Variants in RBMS2 observed in about 807,000 individuals in gnomAD.
RBMS2 encodes RNA-binding motif, single-stranded-interacting protein 2.
RBMS2 carries 38 observed loss-of-function variants against 58.4 expected under a neutral mutation model. The observed-to-expected ratio is 0.65, with a 90% CI of 0.50 to 0.85. The LOEUF is 0.85. Among genes scored for constraint, RBMS2 ranks in the 40% least tolerant of loss-of-function variants. RBMS2 has a pLI of 0.00. For missense variants in RBMS2, 367 were observed against 503.7 expected (o/e 0.73, Z 2.60); for synonymous variants, 151 against 180.7 (o/e 0.84, Z 1.32).
In RBMS2 at chr12:56,592,367, C is replaced by T. The variant is rs758862446; in HGVS notation, c.*3234C>T. 6.6e-6 allele frequency: 1 copy of T among 152,156 alleles called. No individual in the cohort carries two copies. The highest frequency in any genetic ancestry group is 1.5e-5 in the Non-Finnish European group (1 of 68,034). 9.4% of individuals were successfully genotyped at this position (152,156 alleles called of 1,614,324 possible). A position where few individuals can be genotyped will look rare whatever the true frequency, so the allele number is the denominator to read the frequency against. ...TAATCCTTTATAGGCTCTGAGCCTG[C>T]CTAGCCATCTCCTATCGGTGTTATT... On this transcript the variant is annotated 3_prime_UTR_variant, in exon 14 of 14. Coordinates refer to ENST00000262031, the MANE Select transcript of RBMS2 (RefSeq NM_002898.4).
intron 9 of RBMS2, among the ~76,000 whole-genome samples, chr12:56,582,380 T>C (rs1884085515): frequency 1.3e-5 from 2 of 152,214 alleles, no homozygotes; most frequent in South Asian, 4.1e-4. Flanking sequence ...AGTAAACTCA[T>C]GTTAATGTCC....
At chr12:56,539,341 A>C (rs140102196) in intron 1 of RBMS2, among the ~76,000 whole-genome samples, 1 of 152,078 alleles carries the variant, frequency 6.6e-6, no homozygotes, top group Non-Finnish European at 1.5e-5. Context: ...CTATAAGTCT[A>C]TGTTTGTGTA....
intron 1 of RBMS2, among the ~76,000 whole-genome samples, chr12:56,534,047 G>A (rs1874294530): frequency 6.6e-6 from 1 of 152,076 alleles, no homozygotes; most frequent in Non-Finnish European, 1.5e-5. Context: ...TTTGAACCCG[G>A]GTAATCTAGT....
intron 1 of RBMS2, among the ~76,000 whole-genome samples, chr12:56,522,591 C>G (rs1273515135): frequency 6.6e-6 from 1 of 152,158 alleles, no homozygotes; most frequent in Non-Finnish European, 1.5e-5. Context: ...GTATACTCTT[C>G]TAGACTACAG....
intron 1 of RBMS2, among the ~76,000 whole-genome samples, chr12:56,534,101 G>A (rs750194655): frequency 3.3e-5 from 5 of 152,062 alleles, no homozygotes; most frequent in Non-Finnish European, 7.4e-5. Context: ...TCTTATTGCA[G>A]CACATAGTCT....
chr12:56,578,931 T>C (rs1883520056), intron 5 of RBMS2, among the ~76,000 whole-genome samples: 1 of 152,048 alleles, frequency 6.6e-6, no homozygotes, highest in African/African-American at 2.4e-5. Flanking sequence ...ACCACTGTAC[T>C]CCAGCCTGGG....
intron 1 of RBMS2, among the ~76,000 whole-genome samples, chr12:56,528,604 CCACTTCA>C (rs1873123104): frequency 6.6e-6 from 1 of 152,068 alleles, no homozygotes; most frequent in African/African-American, 2.4e-5. Flanking sequence ...CAATGAGATA[CCACTTCA>C]CACCCAGTAG....
chr12:56,539,051 T>A (rs1875572743), intron 1 of RBMS2, among the ~76,000 whole-genome samples: 1 of 150,788 alleles, frequency 6.6e-6, no homozygotes, highest in African/African-American at 2.4e-5. Flanking sequence ...AGTCTTGCTC[T>A]GGTGCCCAGG....
chr12:56,522,830 T>C (rs12814413), intron 1 of RBMS2, among the ~76,000 whole-genome samples: 57,322 of 152,032 alleles, frequency 0.38, 13,331 homozygotes, highest in East Asian at 0.6. Context: ...CTTGTCCATA[T>C]TTGACAAGGA....
At chr12:56,553,826 GTT>G (rs200492614) in intron 1 of RBMS2, among the ~76,000 whole-genome samples, 75,594 of 135,974 alleles carry the variant, frequency 0.56, 20,926 homozygotes, top group East Asian at 0.7. Context: ...TAATTTCTTT[GTT>G]TTTTTTTTTT....
Position 56,595,323 on chromosome 12 carries a change from G to A in RBMS2, c.*6190G>A, listed in dbSNP as rs1003123084. Reference sequence around the variant, plus strand: ...AGGGTAATACATATCCAGCGCGAGTGAAGTCCCCACTCCAACATATACCCT... The same window carrying A: ...AGGGTAATACATATCCAGCGCGAGTAAAGTCCCCACTCCAACATATACCCT... On this transcript the variant is annotated 3_prime_UTR_variant, in exon 14 of 14. Coordinates refer to ENST00000262031, the MANE Select transcript of RBMS2 (RefSeq NM_002898.4). 6.6e-6 allele frequency: 1 copy of A among 152,142 alleles called. No individual in the cohort carries two copies. The highest frequency in any genetic ancestry group is 1.5e-5 in the Non-Finnish European group (1 of 68,026). 9.4% of individuals were successfully genotyped at this position (152,142 alleles called of 1,614,324 possible).
chr12:56,530,350 CTTTTT>C (rs71081373), intron 1 of RBMS2, among the ~76,000 whole-genome samples: 2 of 63,774 alleles, frequency 3.1e-5, no homozygotes, highest in Non-Finnish European at 6.2e-5. Context: ...TTTCTTTTTC[CTTTTT>C]TTTTTTTTTT....
intron 5 of RBMS2, among the ~76,000 whole-genome samples, chr12:56,572,519 C>T (rs1021538960): frequency 2.6e-5 from 4 of 152,026 alleles, no homozygotes; most frequent in Admixed American, 2.0e-4. Flanking sequence ...TAGGGAAGTA[C>T]TCTAGGCTTT....
At chr12:56,557,370 A>T (rs1027198298) in intron 1 of RBMS2, among the ~76,000 whole-genome samples, 1 of 152,188 alleles carries the variant, frequency 6.6e-6, no homozygotes, top group African/African-American at 2.4e-5. Context: ...TTACCCTTAA[A>T]AGTGAATATT....
At chr12:56,560,258 TA>T (rs1880150638) in intron 1 of RBMS2, among the ~76,000 whole-genome samples, 1 of 144,414 alleles carries the variant, frequency 6.9e-6, no homozygotes, top group South Asian at 2.3e-4. Context: ...ACAACCTTCA[TA>T]ATTTTTTTTT....
intron 1 of RBMS2, among the ~76,000 whole-genome samples, chr12:56,554,198 G>A (rs1878822339): frequency 6.6e-6 from 1 of 152,132 alleles, no homozygotes; most frequent in Admixed American, 6.6e-5. Flanking sequence ...CCCATATTGA[G>A]CTGTCATCTG....
intron 1 of RBMS2, among the ~76,000 whole-genome samples, chr12:56,561,104 C>G (rs1206865732): frequency 6.6e-6 from 1 of 152,190 alleles, no homozygotes; most frequent in Non-Finnish European, 1.5e-5. Flanking sequence ...TCTCATTCTT[C>G]TTTATGGCTC....
At chr12:56,552,019 T>C (rs1565746742) in intron 1 of RBMS2, among the ~76,000 whole-genome samples, 3 of 151,994 alleles carry the variant, frequency 2.0e-5, no homozygotes, top group Non-Finnish European at 4.4e-5. Context: ...ACCCAGGAGG[T>C]AGAGGTTGCA....
chr12:56,576,287 A>G (rs1883118196), intron 5 of RBMS2, among the ~76,000 whole-genome samples: 1 of 152,262 alleles, frequency 6.6e-6, no homozygotes, highest in South Asian at 2.1e-4. Context: ...CAGTGAGCCA[A>G]GATCACACCA....
Sources: gnomAD v4.1 joint callset for allele counts (sites outside exome capture counted in the v4.1 genomes callset) on GRCh38, gnomAD v4.1.1 for gene constraint, MANE v1.5 for transcripts, NCBI Gene and HGNC (gene_info 2026-07-23, HGNC 2026-07-21) for gene names.